The following ZEB2 variants were observed in gnomAD, a reference collection of about 807,000 sequenced individuals.
ZEB2 encodes the protein zinc finger E-box-binding homeobox 2.
ZEB2 carries 6 observed loss-of-function variants against 99.9 expected under a neutral mutation model. The ratio of observed to expected loss-of-function variants is 0.06; its 90% CI spans 0.03 to 0.12. ZEB2 has a LOEUF of 0.12. Among genes scored for constraint, ZEB2 ranks in the 10% least tolerant of loss-of-function variants. The probability of loss-of-function intolerance (pLI) is 1.00; values close to 1 mark genes in which losing one functional copy is unlikely to be tolerated. For synonymous variants in ZEB2, 517 were observed against 542.5 expected, an observed-to-expected ratio of 0.95 and a Z score of 0.65; for missense variants, 969 against 1,502.8, an observed-to-expected ratio of 0.64 and a Z score of 5.87.
rs117772614 is a variant in ZEB2 at position 144,396,375 on chromosome 2, C to T, written c.3067+37G>A. 7.1e-4 allele frequency: 1,138 copies of T among 1,609,578 alleles called. 15 individuals are homozygous for T. In the East Asian group the frequency reaches 0.019, roughly 26 times the overall value. ...AAATATTATGAAATGTACAGCAGGA[C>T]GGGAAGCTCTAACCAGTTAGGCAAA... On this transcript the variant is annotated intron_variant, in intron 9 of 9. Coordinates refer to ENST00000627532, the MANE Select transcript of ZEB2 (RefSeq NM_014795.4).
chr2:144,426,199 T>C (rs918107175), intron 3 of ZEB2, among the ~76,000 whole-genome samples: 2 of 152,280 alleles, frequency 1.3e-5, no homozygotes, highest in South Asian at 2.1e-4. Flanking sequence ...TTTTCCTTTA[T>C]TTAAAAAATA....
At chr2:144,437,889 C>T (rs1356511161) in intron 2 of ZEB2, among the ~76,000 whole-genome samples, 1 of 152,136 alleles carries the variant, frequency 6.6e-6, no homozygotes. Context: ...AAAATAAACA[C>T]GAAATAGAAA....
chr2:144,395,547 C>G (rs188527885), intron 9 of ZEB2, among the ~76,000 whole-genome samples: 1 of 152,080 alleles, frequency 6.6e-6, no homozygotes, highest in Admixed American at 6.6e-5. Context: ...TGCCAAATTT[C>G]CAGTGGAGAA....
At chr2:144,408,157 C>T (rs573784318) in intron 4 of ZEB2, among the ~76,000 whole-genome samples, 1 of 152,276 alleles carries the variant, frequency 6.6e-6, no homozygotes, top group African/African-American at 2.4e-5. Context: ...CATGCGCTCT[C>T]TTTAAGGATT....
intron 4 of ZEB2, among the ~76,000 whole-genome samples, chr2:144,417,030 C>A (rs181990710): frequency 6.6e-6 from 1 of 152,186 alleles, no homozygotes; most frequent in Non-Finnish European, 1.5e-5. Context: ...ACATGCATTT[C>A]GTATTCGTCT....
Position 144,385,130 on chromosome 2 carries a change from G to C in ZEB2, c.*4321C>G, listed in dbSNP as rs986578197. The C allele has an allele frequency of 6.6e-5, 10 of 152,124 alleles. No homozygotes were observed. The highest frequency in any genetic ancestry group is 2.4e-4 in the African/African-American group (10 of 41,438). 9.4% of individuals were successfully genotyped at this position (152,124 alleles called of 1,614,324 possible). On this transcript the variant is annotated 3_prime_UTR_variant, in exon 10 of 10. Transcript: ENST00000627532. ...ATAAAATTTTTCAGAATTTATAGGA[G>C]TGCTTATATAAGCGATAATAATTGG...
intron 4 of ZEB2, among the ~76,000 whole-genome samples, chr2:144,415,690 ATTTC>A (rs1703530330): frequency 1.3e-5 from 2 of 152,148 alleles, no homozygotes; most frequent in Non-Finnish European, 2.9e-5. Context: ...CTCATCATTT[ATTTC>A]TTTGTTTATT....
intron 4 of ZEB2, among the ~76,000 whole-genome samples, chr2:144,411,317 AGAT>A (rs1703461906): frequency 6.6e-6 from 1 of 151,902 alleles, no homozygotes; most frequent in African/African-American, 2.4e-5. Context: ...TTAACATCTC[AGAT>A]GATAAGAAAA....
At chr2:144,478,358 G>A (rs1704460043) in intron 2 of ZEB2, among the ~76,000 whole-genome samples, 1 of 152,236 alleles carries the variant, frequency 6.6e-6, no homozygotes, top group Non-Finnish European at 1.5e-5. Context: ...AAAGTTTGAT[G>A]AGTGAAAGCT....
chr2:144,470,026 G>A (rs1704333692), intron 2 of ZEB2, among the ~76,000 whole-genome samples: 1 of 152,202 alleles, frequency 6.6e-6, no homozygotes, highest in African/African-American at 2.4e-5. Context: ...TTGCTTGGCA[G>A]TGCCTGAAAC....
At chr2:144,514,125 G>A in intron 2 of ZEB2, 1 of 299,608 alleles carries the variant, frequency 3.3e-6, no homozygotes, top group Non-Finnish European at 6.3e-6. Context: ...TTGCTAGCCT[G>A]AGAATCTGGA....
At chr2:144,428,291 C>T (rs1202264532) in intron 3 of ZEB2, 1 of 152,162 alleles carries the variant, frequency 6.6e-6, no homozygotes, top group Non-Finnish European at 1.5e-5. Context: ...CTGTTTCTGT[C>T]ACACTGCTCC....
intron 2 of ZEB2, chr2:144,513,912 T>C: frequency 2.0e-6 from 3 of 1,490,090 alleles, no homozygotes; most frequent in East Asian, 2.5e-5. Context: ...CTGAGGATCA[T>C]CTGACTGAAC....
At chr2:144,506,298 G>C (rs1573810240) in intron 2 of ZEB2, among the ~76,000 whole-genome samples, 1 of 152,208 alleles carries the variant, frequency 6.6e-6, no homozygotes, top group Non-Finnish European at 1.5e-5. Flanking sequence ...GTGTTTGTGT[G>C]CATGTGGGAA....
chr2:144,503,555 C>T (rs1458560390), intron 2 of ZEB2: 1 of 152,028 alleles, frequency 6.6e-6, no homozygotes, highest in Non-Finnish European at 1.5e-5. Context: ...GATTTTAAAT[C>T]ATCTAGTAAA....
chr2:144,489,178 A>C (rs1704641775), intron 2 of ZEB2, among the ~76,000 whole-genome samples: 1 of 152,150 alleles, frequency 6.6e-6, no homozygotes, highest in Non-Finnish European at 1.5e-5. Flanking sequence ...TTTTCTCAGA[A>C]GGGGTGACCT....
chr2:144,419,782 CT>C (rs747408522), intron 4 of ZEB2, among the ~76,000 whole-genome samples: 2 of 151,660 alleles, frequency 1.3e-5, no homozygotes, highest in African/African-American at 4.8e-5. Flanking sequence ...AATTTTGTTC[CT>C]TTTTTAAAAA....
chr2:144,517,528 C>T lies in ZEB2; in HGVS notation c.-69-109G>A, dbSNP rs1210910318. 6.9e-5 allele frequency: 51 copies of T among 739,780 alleles called. No homozygotes were observed. The East Asian group carries it at 1.4e-3, about 20-fold the overall frequency. 45.8% of individuals were successfully genotyped at this position (739,780 alleles called of 1,614,324 possible). A position where few individuals can be genotyped will look rare whatever the true frequency, so the allele number is the denominator to read the frequency against. On this transcript the variant is annotated intron_variant, in intron 1 of 9. Coordinates refer to ENST00000627532, the MANE Select transcript of ZEB2 (RefSeq NM_014795.4). Reference sequence around the variant, plus strand: ...GCCCCGGCGAGCACCCATCCGCGCCCCCCAACGCCAAAGCGAAACTTCGGC... The same window carrying T: ...GCCCCGGCGAGCACCCATCCGCGCCTCCCAACGCCAAAGCGAAACTTCGGC...
intron 2 of ZEB2, chr2:144,462,107 C>T (rs1049855424): frequency 6.6e-6 from 1 of 152,132 alleles, no homozygotes; most frequent in East Asian, 1.9e-4. Flanking sequence ...AATCCCAGCA[C>T]TTGTTAGTAA....
Sources: allele counts gnomAD v4.1 joint callset (sites outside exome capture counted in the v4.1 genomes callset), GRCh38; gene constraint gnomAD v4.1.1; transcripts MANE v1.5; gene names NCBI Gene and HGNC (gene_info 2026-07-23, HGNC 2026-07-21).